The following CNBD1 variants were observed in gnomAD, a reference collection of about 807,000 sequenced individuals.
CNBD1 encodes the protein cyclic nucleotide-binding domain-containing protein 1.
CNBD1 carries 71 observed loss-of-function variants against 54.4 expected under a neutral mutation model. The ratio of observed to expected loss-of-function variants is 1.30; its 90% CI spans 1.08 to 1.59. The LOEUF is 1.59. Ranked by LOEUF, CNBD1 falls within the 40% of genes most tolerant of loss-of-function variation. CNBD1 has a pLI of 0.00. For missense variants in CNBD1, 659 were observed against 518.0 expected (o/e 1.27, Z -2.64); for synonymous variants, 182 against 170.7 (o/e 1.07, Z -0.51).
chr8:86,918,213 G>A (rs776467928), intron 3 of CNBD1, among the ~76,000 whole-genome samples: 4 of 151,960 alleles, frequency 2.6e-5, no homozygotes, highest in African/African-American at 7.2e-5. Flanking sequence ...TAGTTAGCAC[G>A]GATTCTGTCA....
At chr8:87,374,532 C>A (rs1260183832) in intron 10 of CNBD1, among the ~76,000 whole-genome samples, 13 of 151,584 alleles carry the variant, frequency 8.6e-5, no homozygotes, top group Non-Finnish European at 7.4e-5. Context: ...ACTGGTACAC[C>A]TTGTATGGAA....
At chr8:87,345,230 A>T (rs1310115543) in intron 8 of CNBD1, among the ~76,000 whole-genome samples, 1 of 152,212 alleles carries the variant, frequency 6.6e-6, no homozygotes, top group South Asian at 2.1e-4. Context: ...ACATCCTTCC[A>T]TGTGTATTTA....
At chr8:87,387,549 G>A (rs1045920872), downstream of CNBD1, among the ~76,000 whole-genome samples, 2 of 152,144 alleles carry the variant, frequency 1.3e-5, no homozygotes, top group Admixed American at 1.3e-4. Flanking sequence ...TCAACAAGAA[G>A]AGCTAACTAT....
intron 4 of CNBD1, among the ~76,000 whole-genome samples, chr8:87,085,005 G>A (rs563494092): frequency 5.6e-4 from 85 of 152,218 alleles, no homozygotes; most frequent in Middle Eastern, 3.4e-3. Context: ...CAATACTTAT[G>A]TTGTGTTTTT....
intron 4 of CNBD1, among the ~76,000 whole-genome samples, chr8:87,150,206 C>G (rs927793109): frequency 6.6e-6 from 1 of 151,720 alleles, no homozygotes; most frequent in Non-Finnish European, 1.5e-5. Context: ...AAACAAAAAT[C>G]AGGTAGAAAA....
chr8:87,387,576 C>G (rs555511443), downstream of CNBD1, among the ~76,000 whole-genome samples: 19 of 152,254 alleles, frequency 1.2e-4, no homozygotes, highest in African/African-American at 3.9e-4. Context: ...CATATATGCA[C>G]CCAATACAGG....
intron 4 of CNBD1, among the ~76,000 whole-genome samples, chr8:87,008,616 A>T (rs1411391423): frequency 6.6e-6 from 1 of 152,162 alleles, no homozygotes; most frequent in Non-Finnish European, 1.5e-5. Context: ...CTACAGCTAA[A>T]AGTCTGAGAA....
chr8:87,373,970 T>C (rs1264353146), intron 10 of CNBD1, among the ~76,000 whole-genome samples: 4 of 151,784 alleles, frequency 2.6e-5, no homozygotes, highest in Non-Finnish European at 5.9e-5. Context: ...ACAACAGTTT[T>C]CATCTGATGA....
chr8:87,363,144 G>T lies in CNBD1; in HGVS notation c.1303+9358G>T, dbSNP rs111576589. Among the ~76,000 whole-genome samples, 197 of 152,016 alleles carry T rather than the reference G, an allele frequency of 1.3e-3. 1 individual carries two copies. Among genetic ancestry groups the T allele is most frequent in the African/African-American group, 4.5e-3 (188 of 41,470 alleles). On this transcript the variant is annotated intron_variant, in intron 10 of 10. Transcript: ENST00000518476. Reference sequence around the variant, plus strand: ...TTGTGTTAGTTTGCTGAAAATGATGGTTTCCAGAGTTATCCATGTCCCTGC... The same window carrying T: ...TTGTGTTAGTTTGCTGAAAATGATGTTTTCCAGAGTTATCCATGTCCCTGC...
At chr8:87,318,523 G>A (rs997440183) in intron 8 of CNBD1, among the ~76,000 whole-genome samples, 1 of 152,090 alleles carries the variant, frequency 6.6e-6, no homozygotes, top group Non-Finnish European at 1.5e-5. Flanking sequence ...CACATCAGAG[G>A]TTGTTCCCTC....
chr8:87,132,618 G>T (rs899928884), intron 4 of CNBD1, among the ~76,000 whole-genome samples: 1 of 146,804 alleles, frequency 6.8e-6, no homozygotes, highest in African/African-American at 2.5e-5. Flanking sequence ...ATATATTTAT[G>T]TATAATATAT....
intron 10 of CNBD1, among the ~76,000 whole-genome samples, chr8:87,379,251 A>G (rs963093892): frequency 6.6e-6 from 1 of 151,978 alleles, no homozygotes; most frequent in East Asian, 1.9e-4. Flanking sequence ...GTGACCTACA[A>G]AGAGACTTAG....
intron 3 of CNBD1, among the ~76,000 whole-genome samples, chr8:86,916,598 CAATTCCTGGGATCTTATTGGA>C (rs1304192073): frequency 6.6e-6 from 1 of 152,128 alleles, no homozygotes; most frequent in Admixed American, 6.5e-5. Flanking sequence ...CTACTTCACC[CAATTCCTGGGATCTTATTGGA>C]AAACTGCTGA....
chr8:87,322,452 C>T (rs1224429370), intron 8 of CNBD1, among the ~76,000 whole-genome samples: 1 of 121,874 alleles, frequency 8.2e-6, no homozygotes, highest in Non-Finnish European at 1.8e-5. Context: ...TCTCCACATC[C>T]TCTCTAACAC....
At chr8:87,011,017 CT>C (rs1415379459) in intron 4 of CNBD1, among the ~76,000 whole-genome samples, 4 of 151,986 alleles carry the variant, frequency 2.6e-5, no homozygotes, top group Non-Finnish European at 5.9e-5. Flanking sequence ...GGATTTAATT[CT>C]TTTCTGGCAG....
chr8:87,291,856 C>T (rs1477915511), intron 8 of CNBD1, among the ~76,000 whole-genome samples: 1 of 152,090 alleles, frequency 6.6e-6, no homozygotes, highest in African/African-American at 2.4e-5. Flanking sequence ...GTCCACTAGA[C>T]TTAAAATTTC....
Position 86,937,667 on chromosome 8 carries a change from G to C in CNBD1, c.273-1929G>C, listed in dbSNP as rs182045662. 4.0e-3 allele frequency among the ~76,000 whole-genome samples: 612 copies of C among 152,270 alleles called. 5 individuals carry two copies. The highest frequency in any genetic ancestry group is 0.013 in the African/African-American group (531 of 41,568). ...ACGTTGGCCCCTTTTGGCCATGGCTGGGACACAGGGCACCAAGTCCTGAGA... is the reference window on the plus strand; with the variant it reads ...ACGTTGGCCCCTTTTGGCCATGGCTCGGACACAGGGCACCAAGTCCTGAGA... On this transcript the variant is annotated intron_variant, in intron 3 of 10. Transcript: ENST00000518476.
At chr8:86,922,443 T>G (rs1563822954) in intron 3 of CNBD1, among the ~76,000 whole-genome samples, 1 of 152,058 alleles carries the variant, frequency 6.6e-6, no homozygotes, top group Non-Finnish European at 1.5e-5. Flanking sequence ...AGAAGAAAGT[T>G]TGTATTAATA....
rs569746656 is a variant in CNBD1 at position 86,927,557 on chromosome 8, T to C, written c.273-12039T>C. Reference sequence around the variant, plus strand: ...ATAGTAGGTGCCCCAGGGGCAGGCCTGGTAACAGGTTGTGTTGGATGCATA... The same window carrying C: ...ATAGTAGGTGCCCCAGGGGCAGGCCCGGTAACAGGTTGTGTTGGATGCATA... On this transcript the variant is annotated intron_variant, in intron 3 of 10. Transcript: ENST00000518476. 3.3e-5 allele frequency among the ~76,000 whole-genome samples: 5 copies of C among 152,196 alleles called. No homozygotes were observed. In the East Asian group the frequency reaches 9.7e-4, roughly 29 times the overall value.
Sources: gnomAD v4.1 joint callset for allele counts (sites outside exome capture counted in the v4.1 genomes callset) on GRCh38, gnomAD v4.1.1 for gene constraint, MANE v1.5 for transcripts, NCBI Gene and HGNC (gene_info 2026-07-23, HGNC 2026-07-21) for gene names.